GABRG1: variants seen among roughly 807,000 people sequenced by gnomAD.
GABRG1 encodes the protein gamma-aminobutyric acid type A receptor subunit gamma1.
GABRG1 carries 49 observed loss-of-function variants against 49.8 expected under a neutral mutation model. That is an observed-to-expected ratio of 0.98 (90% CI 0.78 to 1.25). The LOEUF is 1.25. Ranked by LOEUF, GABRG1 falls within the 50% of genes most tolerant of loss-of-function variation. The probability of loss-of-function intolerance (pLI) is 0.00; values close to 1 mark genes in which losing one functional copy is unlikely to be tolerated. For missense variants in GABRG1, 552 were observed against 552.3 expected, an observed-to-expected ratio of 1.00 and a Z score of 0.01; for synonymous variants, 232 against 185.1, an observed-to-expected ratio of 1.25 and a Z score of -2.06.
intron 1 of GABRG1, among the ~76,000 whole-genome samples, chr4:46,107,295 T>C (rs904151823): frequency 6.6e-6 from 1 of 151,328 alleles, no homozygotes; most frequent in African/African-American, 2.4e-5. Context: ...AAAAGTTTTA[T>C]GAAATCATAT....
At chr4:46,063,445 C>T (rs1718789741) in intron 5 of GABRG1, among the ~76,000 whole-genome samples, 2 of 152,024 alleles carry the variant, frequency 1.3e-5, no homozygotes, top group South Asian at 4.1e-4. Flanking sequence ...TTAATAAATC[C>T]CTATTTAATA....
chr4:46,036,694 G>A lies in GABRG1; in HGVS notation c.*4294C>T, dbSNP rs917222635. The A allele has an allele frequency of 2.0e-5, 3 of 151,868 alleles. No homozygotes were observed. Among genetic ancestry groups the A allele is most frequent in the East Asian group, 1.9e-4 (1 of 5,182 alleles). 9.4% of individuals were successfully genotyped at this position (151,868 alleles called of 1,614,324 possible). A position where few individuals can be genotyped will look rare whatever the true frequency, so the allele number is the denominator to read the frequency against. ...CTGAAGACTTGTGTCACAAGAGTAC[G>A]GATTTCATCCTCATATTAGCCACTA... On this transcript the variant is annotated 3_prime_UTR_variant, in exon 9 of 9. Coordinates refer to ENST00000295452, the MANE Select transcript of GABRG1 (RefSeq NM_173536.4).
intron 8 of GABRG1, among the ~76,000 whole-genome samples, chr4:46,043,702 A>G (rs1051379532): frequency 6.6e-6 from 1 of 152,046 alleles, no homozygotes; most frequent in African/African-American, 2.4e-5. Context: ...TAGCAACATA[A>G]TTGAATAGAA....
chr4:46,108,336 G>A (rs766054539), intron 1 of GABRG1, among the ~76,000 whole-genome samples: 1 of 150,964 alleles, frequency 6.6e-6, no homozygotes, highest in African/African-American at 2.4e-5. Context: ...CTAAATCTCC[G>A]TGTGAGAAGT....
At position 46,036,866 on chromosome 4, in the gene GABRG1, T is replaced by A. The variant is rs1484222393; in HGVS notation, c.*4122A>T. On this transcript the variant is annotated 3_prime_UTR_variant, in exon 9 of 9. Coordinates refer to ENST00000295452, the MANE Select transcript of GABRG1 (RefSeq NM_173536.4). ...GACTTCGTAATTTCCCCTAGCCTCC[T>A]GAAGTCCACATTCGTACTTCTCAGT... 2 of 151,994 alleles carry A rather than the reference T, an allele frequency of 1.3e-5. No individual in the cohort carries two copies. Among genetic ancestry groups the A allele is most frequent in the African/African-American group, 2.4e-5 (1 of 41,436 alleles). The allele number at this position is 151,994 out of a possible 1,614,324, so 9.4% of individuals were successfully genotyped here.
chr4:46,059,891 T>C (rs530521393), intron 5 of GABRG1, among the ~76,000 whole-genome samples: 2 of 152,308 alleles, frequency 1.3e-5, no homozygotes, highest in Admixed American at 6.5e-5. Flanking sequence ...GAATTTTGGA[T>C]TGCTTCTTTG....
intron 5 of GABRG1, among the ~76,000 whole-genome samples, chr4:46,063,599 C>T (rs1429600910): frequency 6.6e-6 from 1 of 152,118 alleles, no homozygotes; most frequent in East Asian, 1.9e-4. Flanking sequence ...CTAGGCATTA[C>T]CATTCAGGAT....
At chr4:46,062,623 C>T (rs1027595315) in intron 5 of GABRG1, among the ~76,000 whole-genome samples, 2 of 152,070 alleles carry the variant, frequency 1.3e-5, no homozygotes, top group Non-Finnish European at 2.9e-5. Context: ...TCTCCAATGG[C>T]CAGTGATGGT....
intron 7 of GABRG1, among the ~76,000 whole-genome samples, chr4:46,052,860 C>G (rs1718282700): frequency 6.6e-6 from 1 of 151,896 alleles, no homozygotes; most frequent in Non-Finnish European, 1.5e-5. Flanking sequence ...CCCCTCATGT[C>G]TCCATTGAAA....
Position 46,040,995 on chromosome 4 carries a change from T to C in GABRG1, c.1391A>G (p.Tyr464Cys). ...TTGCTTATGAAGTAGATTTTATAAG[T>C]AAAGATAGCCAACCCAATAAACCAA... ...FNLVYWVGYL[Y>C]L Residue 464 changes from tyrosine (Y) to cysteine (C), a missense_variant, in exon 9 of 9, where the codon TAC becomes TGC. Transcript: ENST00000295452. 7.5e-6 allele frequency: 12 copies of C among 1,609,624 alleles called. No individual in the cohort carries two copies. The highest frequency in any genetic ancestry group is 9.3e-6 in the Non-Finnish European group (11 of 1,177,606).
At chr4:46,106,788 A>C in intron 1 of GABRG1, among the ~76,000 whole-genome samples, 1 of 4,674 alleles carries the variant, frequency 2.1e-4, no homozygotes, top group African/African-American at 2.9e-4. Flanking sequence ...GGTTACTGTA[A>C]ATTTTTTTTT....
rs1717697497 is a variant in GABRG1, at chr4:46,040,044, C to A, written c.*944G>T. ...CAATATGACCGGCAACTCAGTTTGC[C>A]AGGTAATAATTTTTTAACCACGTGA... On this transcript the variant is annotated 3_prime_UTR_variant, in exon 9 of 9. Coordinates refer to ENST00000295452, the MANE Select transcript of GABRG1 (RefSeq NM_173536.4). The A allele has an allele frequency of 6.6e-6, 1 of 151,608 alleles. No individual in the cohort carries two copies. The highest frequency in any genetic ancestry group is 6.6e-5 in the Admixed American group (1 of 15,138). 9.4% of individuals were successfully genotyped at this position (151,608 alleles called of 1,614,324 possible). A position where few individuals can be genotyped will look rare whatever the true frequency, so the allele number is the denominator to read the frequency against.
intron 3 of GABRG1, among the ~76,000 whole-genome samples, chr4:46,071,103 C>T (rs1014288423): frequency 2.6e-5 from 4 of 152,000 alleles, no homozygotes; most frequent in Non-Finnish European, 4.4e-5. Flanking sequence ...AGATTACTTA[C>T]GTCTTTCTGG....
chr4:46,070,832 G>C (rs909826457), intron 3 of GABRG1, among the ~76,000 whole-genome samples: 1 of 151,984 alleles, frequency 6.6e-6, no homozygotes, highest in Non-Finnish European at 1.5e-5. Context: ...AATCTTTAAA[G>C]TGCTCATCTG....
At chr4:46,086,022 T>C (rs1006542544) in intron 2 of GABRG1, among the ~76,000 whole-genome samples, 1 of 151,592 alleles carries the variant, frequency 6.6e-6, no homozygotes, top group Non-Finnish European at 1.5e-5. Context: ...TTTTTTGCAA[T>C]AGCATAACAA....
At position 46,051,435 on chromosome 4, in the gene GABRG1, T is replaced by TTTTTA; in HGVS notation, c.1115_1119dup (p.Asn374Ter). ...TCTTTTTAACATACCGAGGCTTTAT[T>TTTTTA]TTTTAGCTTTCTGTCTTTAGTAGCA... On this transcript the variant is annotated stop_gained and frameshift_variant, in exon 8 of 9. Transcript: ENST00000295452. LOFTEE classifies it high-confidence loss of function. 1 of 1,603,658 alleles carries TTTTTA rather than the reference T, an allele frequency of 6.2e-7. No homozygotes were observed. The highest frequency in any genetic ancestry group is 8.5e-7 in the Non-Finnish European group (1 of 1,175,904).
Position 46,077,537 on chromosome 4 carries a change from CTA to C in GABRG1, c.321+6447_321+6448del, listed in dbSNP as rs1286132505. Among the ~76,000 whole-genome samples the C allele has an allele frequency of 4.6e-5, 7 of 151,804 alleles. No individual in the cohort carries two copies. The East Asian group carries it at 1.4e-3, about 29-fold the overall frequency. On this transcript the variant is annotated intron_variant, in intron 3 of 8. Coordinates refer to ENST00000295452, the MANE Select transcript of GABRG1 (RefSeq NM_173536.4). ...TATGTATTTCTTTTATAATAAAAAA[CTA>C]TTTTTATGAAGAACATCTTTAGAAG...
chr4:46,103,309 G>GA (rs1720442409), intron 1 of GABRG1, among the ~76,000 whole-genome samples: 1 of 142,674 alleles, frequency 7.0e-6, no homozygotes, highest in Non-Finnish European at 1.6e-5. Context: ...TACTTCATTG[G>GA]AAAAAAATGA....
chr4:46,079,981 T>G (rs866923370), intron 3 of GABRG1, among the ~76,000 whole-genome samples: 3 of 151,958 alleles, frequency 2.0e-5, no homozygotes, highest in Admixed American at 6.6e-5. Context: ...TCAAACCATA[T>G]ATAAAATTGA....
Sources: gnomAD v4.1 joint callset for allele counts (sites outside exome capture counted in the v4.1 genomes callset) on GRCh38, gnomAD v4.1.1 for gene constraint, MANE v1.5 for transcripts, NCBI Gene and HGNC (gene_info 2026-07-23, HGNC 2026-07-21) for gene names.